The following FBXW11 variants were observed in gnomAD, a reference collection of about 807,000 sequenced individuals.
FBXW11 encodes the protein F-box and WD repeat domain containing 11.
FBXW11 carries 19 observed loss-of-function variants against 77.6 expected under a neutral mutation model. The ratio of observed to expected loss-of-function variants is 0.24; its 90% CI spans 0.17 to 0.36. The LOEUF (loss-of-function observed/expected upper bound fraction) is 0.36. Among genes scored for constraint, FBXW11 ranks in the 10% least tolerant of loss-of-function variants. The pLI, the probability that FBXW11 is intolerant of heterozygous loss-of-function variation, is 1.00. For synonymous variants in FBXW11, 235 were observed against 249.4 expected, an observed-to-expected ratio of 0.94 and a Z score of 0.54; for missense variants, 334 against 704.2, an observed-to-expected ratio of 0.47 and a Z score of 5.95.
intron 3 of FBXW11, among the ~76,000 whole-genome samples, chr5:171,912,589 G>T (rs1460746097): frequency 6.6e-6 from 1 of 152,110 alleles, no homozygotes; most frequent in African/African-American, 2.4e-5. Context: ...GAGCTATAAT[G>T]TAAGCCACTA....
intron 1 of FBXW11, among the ~76,000 whole-genome samples, chr5:171,969,480 A>AAACATC (rs1159137476): frequency 1.3e-5 from 2 of 152,234 alleles, no homozygotes; most frequent in Admixed American, 1.3e-4. Context: ...GTCATTTAAA[A>AAACATC]AAGTTTACTA....
intron 2 of FBXW11, among the ~76,000 whole-genome samples, chr5:171,952,977 C>T (rs1763425910): frequency 6.6e-6 from 1 of 151,410 alleles, no homozygotes; most frequent in Non-Finnish European, 1.5e-5. Context: ...GATTGGACAC[C>T]CCTGTTTTAG....
chr5:171,958,531 CTT>C (rs1440665206), intron 1 of FBXW11, among the ~76,000 whole-genome samples: 1 of 152,180 alleles, frequency 6.6e-6, no homozygotes, highest in Non-Finnish European at 1.5e-5. Context: ...TCATTTTAGA[CTT>C]TGTTTACAAA....
intron 7 of FBXW11, among the ~76,000 whole-genome samples, chr5:171,882,293 G>A: frequency 6.6e-6 from 1 of 152,036 alleles, no homozygotes; most frequent in Admixed American, 6.6e-5. Flanking sequence ...ATGCACACAT[G>A]TGCACACACA....
At chr5:172,001,701 G>A (rs1766423229) in intron 1 of FBXW11, among the ~76,000 whole-genome samples, 2 of 152,190 alleles carry the variant, frequency 1.3e-5, no homozygotes, top group South Asian at 4.1e-4. Context: ...AAACCAGACA[G>A]TCTCTGCTAC....
chr5:171,992,257 G>A (rs564447873), intron 1 of FBXW11, among the ~76,000 whole-genome samples: 3 of 151,456 alleles, frequency 2.0e-5, no homozygotes, highest in South Asian at 2.1e-4. Flanking sequence ...GTGAAACCCC[G>A]TCTCTACTAA....
chr5:171,914,490 A>G, intron 2 of FBXW11, 85 bp from the exon 3 acceptor site: 1 of 1,159,440 alleles, frequency 8.6e-7, no homozygotes, highest in South Asian at 1.6e-5. Context: ...GAAAACCCAA[A>G]CTAGAGTGTA....
intron 2 of FBXW11, among the ~76,000 whole-genome samples, chr5:171,918,131 A>G (rs532715303): frequency 1.3e-5 from 2 of 152,130 alleles, no homozygotes; most frequent in Non-Finnish European, 2.9e-5. Flanking sequence ...ATTCCCCATC[A>G]TCTTTCTCAG....
intron 13 of FBXW11, among the ~76,000 whole-genome samples, chr5:171,865,011 T>C (rs1232540467): frequency 6.6e-6 from 1 of 152,102 alleles, no homozygotes; most frequent in Non-Finnish European, 1.5e-5. Context: ...TTGAATGCTT[T>C]TTTTAAAAGG....
At chr5:171,949,862 G>C (rs961809391) in intron 2 of FBXW11, among the ~76,000 whole-genome samples, 5 of 152,094 alleles carry the variant, frequency 3.3e-5, no homozygotes, top group African/African-American at 1.2e-4. Context: ...TATGAAAAGG[G>C]ATCTCTGATG....
intron 1 of FBXW11, among the ~76,000 whole-genome samples, chr5:171,971,148 T>TCA (rs1764508283): frequency 6.6e-6 from 1 of 152,200 alleles, no homozygotes. Flanking sequence ...TCTAAATCTC[T>TCA]CACACTGTGC....
chr5:171,963,032 C>A (rs1441680255), intron 1 of FBXW11, among the ~76,000 whole-genome samples: 1 of 152,160 alleles, frequency 6.6e-6, no homozygotes. Flanking sequence ...CTCCTGTCAT[C>A]ATGATTGAAG....
Position 171,863,842 on chromosome 5 carries a change from C to T in FBXW11, c.*285G>A, listed in dbSNP as rs1242788330. The T allele has an allele frequency of 2.6e-5, 4 of 152,576 alleles. No homozygotes were observed. The highest frequency in any genetic ancestry group is 5.9e-5 in the Non-Finnish European group (4 of 68,044). The allele number at this position is 152,576 out of a possible 1,614,324, so 9.5% of individuals were successfully genotyped here. On this transcript the variant is annotated 3_prime_UTR_variant, in exon 14 of 14. Transcript: ENST00000517395. ...AGATTCTATGTTCCTTTTCTATGAA[C>T]AATTTACATTTGAAACATTAGATTT...
At chr5:172,006,345 G>A (rs1318826136) in intron 1 of FBXW11, 113 bp downstream of exon 1, 1 of 944,228 alleles carries the variant, frequency 1.1e-6, no homozygotes, top group Non-Finnish European at 1.5e-6. Context: ...CCCGGGTCTG[G>A]GTCGAGGCGT....
intron 7 of FBXW11, among the ~76,000 whole-genome samples, chr5:171,879,224 T>C (rs1011143822): frequency 6.6e-6 from 1 of 152,214 alleles, no homozygotes; most frequent in East Asian, 1.9e-4. Context: ...CCTTTTTAGA[T>C]TGGCTTCTTT....
chr5:171,961,701 C>T (rs1247863765), intron 1 of FBXW11, among the ~76,000 whole-genome samples: 4 of 151,906 alleles, frequency 2.6e-5, no homozygotes, highest in African/African-American at 7.3e-5. Context: ...GGCTGGAGTG[C>T]GGTGGCATGA....
chr5:171,983,246 G>A (rs1033695840), intron 1 of FBXW11, among the ~76,000 whole-genome samples: 8 of 152,098 alleles, frequency 5.3e-5, no homozygotes, highest in African/African-American at 1.7e-4. Flanking sequence ...AACAGGTGGA[G>A]GTTCCTGGAG....
intron 5 of FBXW11, 47 bp from the exon 6 acceptor site, chr5:171,899,141 G>C (rs746264780): frequency 5.5e-6 from 7 of 1,280,434 alleles, no homozygotes; most frequent in African/African-American, 1.5e-5. Flanking sequence ...ACATAAAAGG[G>C]TGAATTTTAT....
intron 9 of FBXW11, among the ~76,000 whole-genome samples, chr5:171,873,280 G>A (rs978025772): frequency 7.2e-5 from 11 of 152,170 alleles, no homozygotes; most frequent in African/African-American, 2.7e-4. Flanking sequence ...CATTTACCTG[G>A]AGGAAAGAGT....
Sources: allele counts gnomAD v4.1 joint callset (sites outside exome capture counted in the v4.1 genomes callset), GRCh38; gene constraint gnomAD v4.1.1; transcripts MANE v1.5; gene names NCBI Gene and HGNC (gene_info 2026-07-23, HGNC 2026-07-21).